The following AGMO variants were observed in gnomAD, a reference collection of about 807,000 sequenced individuals.
The protein encoded by AGMO is alkylglycerol monooxygenase.
A neutral mutation model predicts 60.2 loss-of-function variants in AGMO; 75 were observed. That is an observed-to-expected ratio of 1.25 (90% CI 1.03 to 1.51). AGMO has a LOEUF of 1.51. Ranked by LOEUF, AGMO falls within the 40% of genes most tolerant of loss-of-function variation. The probability of loss-of-function intolerance (pLI) is 0.00; values close to 1 mark genes in which losing one functional copy is unlikely to be tolerated. For missense variants in AGMO, 763 were observed against 525.5 expected, an observed-to-expected ratio of 1.45 and a Z score of -4.42; for synonymous variants, 261 against 177.1, an observed-to-expected ratio of 1.47 and a Z score of -3.76.
chr7:15,419,819 T>A (rs1780877457), intron 4 of AGMO, among the ~76,000 whole-genome samples: 1 of 152,070 alleles, frequency 6.6e-6, no homozygotes, highest in Non-Finnish European at 1.5e-5. Context: ...CTTAAGCTTC[T>A]CTAGGCTTCA....
At chr7:15,518,277 C>T (rs1297010981) in intron 3 of AGMO, among the ~76,000 whole-genome samples, 1 of 152,164 alleles carries the variant, frequency 6.6e-6, no homozygotes, top group Non-Finnish European at 1.5e-5. Context: ...CCTGCTGGCT[C>T]TGAACAGAGC....
intron 12 of AGMO, among the ~76,000 whole-genome samples, chr7:15,252,486 A>G (rs1000923647): frequency 2.0e-5 from 3 of 152,200 alleles, no homozygotes; most frequent in African/African-American, 7.2e-5. Context: ...GAAAGTGGCT[A>G]TTTAGAAAAT....
the AGMO span, among the ~76,000 whole-genome samples, chr7:15,163,723 G>C: frequency 6.6e-6 from 1 of 151,776 alleles, no homozygotes; most frequent in Non-Finnish European, 1.5e-5. Flanking sequence ...CAGTTTGCTA[G>C]TATTCTGTTA....
downstream of AGMO, among the ~76,000 whole-genome samples, chr7:15,198,093 T>C (rs951558503): frequency 1.3e-5 from 2 of 151,928 alleles, no homozygotes; most frequent in Non-Finnish European, 2.9e-5. Flanking sequence ...TTTCTTATGG[T>C]AGATTAGGAA....
chr7:15,433,508 A>G (rs1028102027), intron 3 of AGMO, among the ~76,000 whole-genome samples: 8 of 152,106 alleles, frequency 5.3e-5, no homozygotes, highest in African/African-American at 1.7e-4. Flanking sequence ...TATTTTCAAA[A>G]GTGATTATGA....
chr7:15,170,211 G>C, the AGMO span, among the ~76,000 whole-genome samples: 10 of 152,216 alleles, frequency 6.6e-5, no homozygotes, highest in Admixed American at 6.5e-4. Flanking sequence ...AGAGTGAGAC[G>C]TTCCCAGAGC....
At chr7:15,191,739 C>A in the AGMO span, among the ~76,000 whole-genome samples, 4 of 152,118 alleles carry the variant, frequency 2.6e-5, no homozygotes, top group East Asian at 7.7e-4. Flanking sequence ...GGCACTAAGT[C>A]ATTCATTCTT....
chr7:15,326,466 A>AAGGCAG lies in AGMO; in HGVS notation c.1263+39047_1263+39048insCTGCCT, dbSNP rs1458692007. Among the ~76,000 whole-genome samples the AAGGCAG allele has an allele frequency of 7.9e-5, 12 of 152,248 alleles. No individual in the cohort carries two copies. In the East Asian group the frequency reaches 2.1e-3, roughly 27 times the overall value. On this transcript the variant is annotated intron_variant, in intron 12 of 12. Transcript: ENST00000342526. ...ATCACATAAAATACACAGACCTCTT[A>AAGGCAG]ACTTTTGTGCCTGCCTCTTCGCATT...
chr7:15,328,663 A>T (rs1583414052), intron 12 of AGMO, among the ~76,000 whole-genome samples: 1 of 152,160 alleles, frequency 6.6e-6, no homozygotes, highest in African/African-American at 2.4e-5. Context: ...TTTTTATTTC[A>T]AAGTAGTCAA....
chr7:15,538,376 G>T (rs1353503506), intron 3 of AGMO, among the ~76,000 whole-genome samples: 2 of 152,062 alleles, frequency 1.3e-5, no homozygotes, highest in Non-Finnish European at 2.9e-5. Context: ...AGAATTGTAG[G>T]CACGTGCCAC....
At chr7:15,279,802 G>C (rs4332038) in intron 12 of AGMO, among the ~76,000 whole-genome samples, 209 of 152,268 alleles carry the variant, frequency 1.4e-3, no homozygotes, top group African/African-American at 4.9e-3. Flanking sequence ...TGTCAATCCA[G>C]GCCAAGGGAG....
the AGMO span, among the ~76,000 whole-genome samples, chr7:15,172,713 G>A: frequency 6.6e-6 from 1 of 151,726 alleles, no homozygotes; most frequent in South Asian, 2.1e-4. Flanking sequence ...GAGGTGTGAG[G>A]AAGAATTATG....
intron 3 of AGMO, among the ~76,000 whole-genome samples, chr7:15,440,253 C>A (rs1449442785): frequency 6.6e-6 from 1 of 152,106 alleles, no homozygotes; most frequent in Non-Finnish European, 1.5e-5. Flanking sequence ...CACAAACATG[C>A]ATTTTGTTGA....
chr7:15,151,293 T>G, the AGMO span, among the ~76,000 whole-genome samples: 1 of 152,138 alleles, frequency 6.6e-6, no homozygotes, highest in Non-Finnish European at 1.5e-5. Context: ...TTCAGTGATC[T>G]TTTGTATGGA....
At chr7:15,139,390 G>T in the AGMO span, among the ~76,000 whole-genome samples, 3 of 152,026 alleles carry the variant, frequency 2.0e-5, no homozygotes, top group Admixed American at 6.6e-5. Flanking sequence ...GGTTCCAGGG[G>T]ACATGTGCAG....
the AGMO span, among the ~76,000 whole-genome samples, chr7:15,192,742 G>GC: frequency 6.6e-6 from 1 of 152,048 alleles, no homozygotes; most frequent in Non-Finnish European, 1.5e-5. Context: ...GCCCAAAAGT[G>GC]CCCGCCCTGG....
intron 12 of AGMO, among the ~76,000 whole-genome samples, chr7:15,252,825 C>T (rs992705252): frequency 7.2e-5 from 11 of 152,038 alleles, no homozygotes; most frequent in Non-Finnish European, 1.2e-4. Flanking sequence ...GAATCAGTAA[C>T]AGATACTGAA....
At chr7:15,485,292 G>A (rs1336054354) in intron 3 of AGMO, among the ~76,000 whole-genome samples, 1 of 151,910 alleles carries the variant, frequency 6.6e-6, no homozygotes, top group Non-Finnish European at 1.5e-5. Flanking sequence ...ACTCCAGGCT[G>A]TGAGACAGGG....
chr7:15,195,219 G>A, the AGMO span, among the ~76,000 whole-genome samples: 1 of 152,132 alleles, frequency 6.6e-6, no homozygotes, highest in African/African-American at 2.4e-5. Flanking sequence ...GATACCTGAG[G>A]TTCCTTGCCT....
Sources: allele counts gnomAD v4.1 joint callset (sites outside exome capture counted in the v4.1 genomes callset), GRCh38; gene constraint gnomAD v4.1.1; transcripts MANE v1.5; gene names NCBI Gene and HGNC (gene_info 2026-07-23, HGNC 2026-07-21).